PRKG1: variants seen among roughly 807,000 people sequenced by gnomAD.
PRKG1 encodes the protein cGMP-dependent protein kinase 1.
Under a neutral mutation model 88.1 loss-of-function variants are expected in PRKG1, and 35 were observed. The observed-to-expected ratio is 0.40, with a 90% CI of 0.30 to 0.53. The LOEUF (loss-of-function observed/expected upper bound fraction) is 0.53, where lower values mean the gene tolerates loss of function less well. Ranked by LOEUF, PRKG1 falls within the 20% of genes least tolerant of loss-of-function variation. The pLI is 0.59. For missense variants in PRKG1, 540 were observed against 839.8 expected (o/e 0.64, Z 4.41); for synonymous variants, 303 against 292.5 (o/e 1.04, Z -0.37).
intron 10 of PRKG1, among the ~76,000 whole-genome samples, chr10:52,260,516 T>C (rs571842860): frequency 6.6e-6 from 1 of 152,272 alleles, no homozygotes; most frequent in Non-Finnish European, 1.5e-5. Context: ...AATTGAAATA[T>C]AAATATTCAA....
At chr10:52,079,691 G>C (rs755205455) in intron 7 of PRKG1, among the ~76,000 whole-genome samples, 4 of 152,182 alleles carry the variant, frequency 2.6e-5, no homozygotes, top group Non-Finnish European at 4.4e-5. Flanking sequence ...TGGTTTGTTA[G>C]AAAGCAGGAG....
chr10:51,586,174 A>T (rs979379003), intron 3 of PRKG1, among the ~76,000 whole-genome samples: 1 of 152,184 alleles, frequency 6.6e-6, no homozygotes, highest in African/African-American at 2.4e-5. Flanking sequence ...AAGACAGGTG[A>T]TGTTGGCATT....
At chr10:51,759,306 G>A (rs373043919) in intron 3 of PRKG1, among the ~76,000 whole-genome samples, 17 of 151,530 alleles carry the variant, frequency 1.1e-4, no homozygotes, top group East Asian at 3.9e-4. Flanking sequence ...TTGCTGTGTC[G>A]CCCAGGCTGG....
chr10:51,011,754 G>C (rs372018770), intron 1 of PRKG1, among the ~76,000 whole-genome samples: 176 of 152,308 alleles, frequency 1.2e-3, no homozygotes, highest in African/African-American at 4.0e-3. Flanking sequence ...GGGTTCAGTT[G>C]TGGTTACTTT....
At chr10:51,658,072 A>G (rs1840205819) in intron 3 of PRKG1, among the ~76,000 whole-genome samples, 1 of 152,188 alleles carries the variant, frequency 6.6e-6, no homozygotes, top group South Asian at 2.1e-4. Context: ...AATGAACTGG[A>G]TTAAAAAGAA....
At chr10:51,474,288 C>T (rs7099012) in intron 3 of PRKG1, among the ~76,000 whole-genome samples, 67,782 of 151,726 alleles carry the variant, frequency 0.45, 15,771 homozygotes, top group African/African-American at 0.52. Flanking sequence ...TTAAATTTTG[C>T]CTGCAATGTT....
At chr10:51,088,068 A>G (rs1244335711) in intron 1 of PRKG1, among the ~76,000 whole-genome samples, 2 of 152,162 alleles carry the variant, frequency 1.3e-5, no homozygotes, top group Admixed American at 6.5e-5. Flanking sequence ...TCCAACCTCT[A>G]TATTCAAATT....
At chr10:51,419,598 G>C (rs1461542472) in intron 2 of PRKG1, among the ~76,000 whole-genome samples, 1 of 152,038 alleles carries the variant, frequency 6.6e-6, no homozygotes, top group African/African-American at 2.4e-5. Flanking sequence ...AGATGACAAA[G>C]GAACATTAAG....
At chr10:51,822,555 C>CA (rs1839777288) in intron 4 of PRKG1, among the ~76,000 whole-genome samples, 2 of 152,136 alleles carry the variant, frequency 1.3e-5, no homozygotes, top group Admixed American at 6.6e-5. Flanking sequence ...AAATACCCCT[C>CA]TACTTTAAGG....
At chr10:51,320,239 C>A (rs938905354) in intron 2 of PRKG1, 2 of 164,344 alleles carry the variant, frequency 1.2e-5, no homozygotes, top group Non-Finnish European at 1.4e-5. Flanking sequence ...ACCTTCCGTG[C>A]ACTCTTATGT....
intron 7 of PRKG1, among the ~76,000 whole-genome samples, chr10:52,112,342 A>T (rs578226451): frequency 1.3e-5 from 2 of 152,108 alleles, no homozygotes; most frequent in Admixed American, 1.3e-4. Context: ...GTTTCCTCCA[A>T]CTGAAAAATG....
chr10:51,573,183 A>G (rs1162063221), intron 3 of PRKG1, among the ~76,000 whole-genome samples: 2 of 151,798 alleles, frequency 1.3e-5, no homozygotes, highest in Non-Finnish European at 2.9e-5. Flanking sequence ...ATCCAGATTA[A>G]CAAAGAACTG....
intron 2 of PRKG1, among the ~76,000 whole-genome samples, chr10:51,222,056 T>C (rs1271465655): frequency 6.6e-6 from 1 of 151,840 alleles, no homozygotes; most frequent in Non-Finnish European, 1.5e-5. Flanking sequence ...TTTGTATTTG[T>C]ATTAGACACG....
chr10:52,248,582 T>C (rs893221347), intron 9 of PRKG1, among the ~76,000 whole-genome samples: 2 of 152,172 alleles, frequency 1.3e-5, no homozygotes, highest in African/African-American at 2.4e-5. Flanking sequence ...TAGCAAAGCG[T>C]GATTACAACA....
chr10:51,763,368 G>A (rs984245387), intron 3 of PRKG1, among the ~76,000 whole-genome samples: 12 of 151,786 alleles, frequency 7.9e-5, no homozygotes, highest in African/African-American at 2.7e-4. Context: ...AGTAGCTGGG[G>A]CCACAGGTGT....
At chr10:51,515,738 T>C (rs1841561953) in intron 3 of PRKG1, among the ~76,000 whole-genome samples, 1 of 152,162 alleles carries the variant, frequency 6.6e-6, no homozygotes, top group Non-Finnish European at 1.5e-5. Context: ...TCTTGACTCC[T>C]TTGTGAAACT....
chr10:51,259,354 A>C, intron 2 of PRKG1, among the ~76,000 whole-genome samples: 1 of 152,208 alleles, frequency 6.6e-6, no homozygotes, highest in Non-Finnish European at 1.5e-5. Context: ...AGCTGTGATT[A>C]TTCCCGTTTA....
intron 3 of PRKG1, among the ~76,000 whole-genome samples, chr10:51,736,567 A>T (rs1837286319): frequency 6.6e-6 from 1 of 151,216 alleles, no homozygotes; most frequent in Non-Finnish European, 1.5e-5. Context: ...TTTATCACAT[A>T]GTTATCCATC....
intron 5 of PRKG1, among the ~76,000 whole-genome samples, chr10:51,965,366 G>A (rs989713236): frequency 1.4e-4 from 22 of 152,092 alleles, no homozygotes; most frequent in African/African-American, 5.3e-4. Context: ...AGTTTGCTAA[G>A]GATAATGGCC....
Sources: allele counts gnomAD v4.1 joint callset (sites outside exome capture counted in the v4.1 genomes callset), GRCh38; gene constraint gnomAD v4.1.1; transcripts MANE v1.5; gene names NCBI Gene and HGNC (gene_info 2026-07-23, HGNC 2026-07-21).